Variants in ST8SIA6 observed in about 807,000 individuals in gnomAD.
The protein encoded by ST8SIA6 is alpha-2,8-sialyltransferase 8F.
A neutral mutation model predicts 33.6 loss-of-function variants in ST8SIA6; 39 were observed. That is an observed-to-expected ratio of 1.16 (90% CI 0.90 to 1.52). The LOEUF (loss-of-function observed/expected upper bound fraction) is 1.52, where lower values mean the gene tolerates loss of function less well. Ranked by LOEUF, ST8SIA6 falls within the 40% of genes most tolerant of loss-of-function variation. The probability of loss-of-function intolerance (pLI) is 0.00; values close to 1 mark genes in which losing one functional copy is unlikely to be tolerated. For synonymous variants in ST8SIA6, 172 were observed against 167.2 expected (o/e 1.03, Z -0.22); for missense variants, 441 against 443.8 (o/e 0.99, Z 0.06).
At position 17,320,210 on chromosome 10, in the gene ST8SIA6, G is replaced by A. The variant is rs1259435674; in HGVS notation, c.*668C>T. On this transcript the variant is annotated 3_prime_UTR_variant, in exon 8 of 8. Coordinates refer to ENST00000377602, the MANE Select transcript of ST8SIA6 (RefSeq NM_001004470.3). The stretch of plus-strand genomic sequence containing the variant: ...GTGAGAGAGAAAAAAGTGTAAGAAT[G>A]AGGCAGGAAGTTAAAATAAAATTAT... 6.6e-6 allele frequency: 1 copy of A among 152,280 alleles called. No individual in the cohort carries two copies. Among genetic ancestry groups the A allele is most frequent in the Non-Finnish European group, 1.5e-5 (1 of 68,108 alleles). The allele number at this position is 152,280 out of a possible 1,614,324, so 9.4% of individuals were successfully genotyped here.
chr10:17,365,940 C>G (rs1484697466), intron 3 of ST8SIA6, among the ~76,000 whole-genome samples: 1 of 148,784 alleles, frequency 6.7e-6, no homozygotes, highest in Non-Finnish European at 1.5e-5. Context: ...CTGTGTAGAT[C>G]AAAAAGTCTT....
chr10:17,438,007 G>A (rs1268927894), intron 2 of ST8SIA6, among the ~76,000 whole-genome samples: 2 of 152,044 alleles, frequency 1.3e-5, no homozygotes, highest in African/African-American at 2.4e-5. Flanking sequence ...GGGAATACAG[G>A]TGTGAGCCAC....
intron 2 of ST8SIA6, among the ~76,000 whole-genome samples, chr10:17,404,286 T>G (rs916381839): frequency 1.3e-5 from 2 of 152,012 alleles, no homozygotes; most frequent in Non-Finnish European, 2.9e-5. Context: ...GCTGTCCGAG[T>G]TGGAAGTGGA....
At chr10:17,361,497 A>C (rs1460661115) in intron 3 of ST8SIA6, among the ~76,000 whole-genome samples, 1 of 142,716 alleles carries the variant, frequency 7.0e-6, no homozygotes, top group East Asian at 2.1e-4. Flanking sequence ...TTGATTTTGT[A>C]ATTAAAATTC....
intron 2 of ST8SIA6, among the ~76,000 whole-genome samples, chr10:17,431,843 A>T (rs1852112357): frequency 6.6e-6 from 1 of 152,188 alleles, no homozygotes; most frequent in Non-Finnish European, 1.5e-5. Flanking sequence ...ATCTCTGTCC[A>T]CATGGAGCTC....
At chr10:17,439,201 A>C (rs759596631) in intron 2 of ST8SIA6, among the ~76,000 whole-genome samples, 8 of 151,872 alleles carry the variant, frequency 5.3e-5, no homozygotes, top group East Asian at 1.9e-4. Flanking sequence ...TTAGGTATTC[A>C]GCTTTTTACA....
intron 6 of ST8SIA6, among the ~76,000 whole-genome samples, chr10:17,324,754 TCATGGTATGTACCATACCATGCATG>T (rs1434155389): frequency 3.0e-4 from 43 of 141,970 alleles, no homozygotes; most frequent in African/African-American, 5.3e-4. Context: ...GTAGTATAGG[TCATGGTATGTACCATACCATGCATG>T]CATGGTATGT....
At chr10:17,322,824 A>T (rs1848000764) in intron 7 of ST8SIA6, among the ~76,000 whole-genome samples, 1 of 152,198 alleles carries the variant, frequency 6.6e-6, no homozygotes, top group Non-Finnish European at 1.5e-5. Flanking sequence ...AGATAAAGAA[A>T]TAAATATGTT....
intron 4 of ST8SIA6, among the ~76,000 whole-genome samples, chr10:17,343,510 A>G (rs1848738761): frequency 6.6e-6 from 1 of 152,228 alleles, no homozygotes; most frequent in Non-Finnish European, 1.5e-5. Context: ...GGAGAGGTTA[A>G]AGAGAAAGAG....
chr10:17,399,808 C>T (rs900651049), intron 2 of ST8SIA6, among the ~76,000 whole-genome samples: 1 of 151,484 alleles, frequency 6.6e-6, no homozygotes, highest in Non-Finnish European at 1.5e-5. Context: ...GTCCCAGCTA[C>T]TCAGGAAGCT....
At chr10:17,449,242 A>G (rs1476462644) in intron 2 of ST8SIA6, among the ~76,000 whole-genome samples, 1 of 152,064 alleles carries the variant, frequency 6.6e-6, no homozygotes, top group Non-Finnish European at 1.5e-5. Flanking sequence ...AATATTTTAA[A>G]AGATAAAAGT....
chr10:17,451,664 G>A (rs1052695595), intron 2 of ST8SIA6, among the ~76,000 whole-genome samples: 13 of 152,250 alleles, frequency 8.5e-5, no homozygotes, highest in Non-Finnish European at 1.5e-4. Flanking sequence ...ATTCCTACCA[G>A]CATTATTACC....
At chr10:17,336,243 C>G (rs1848495107) in intron 4 of ST8SIA6, among the ~76,000 whole-genome samples, 1 of 152,110 alleles carries the variant, frequency 6.6e-6, no homozygotes, top group Non-Finnish European at 1.5e-5. Flanking sequence ...ATGCCTGAGC[C>G]GCCGCACTGG....
At chr10:17,385,443 C>A (rs1850299598) in intron 3 of ST8SIA6, among the ~76,000 whole-genome samples, 1 of 151,968 alleles carries the variant, frequency 6.6e-6, no homozygotes, top group Non-Finnish European at 1.5e-5. Context: ...GCTTTTTAAT[C>A]GCCTGGGTGC....
At chr10:17,387,504 T>A (rs1588873968) in intron 3 of ST8SIA6, among the ~76,000 whole-genome samples, 1 of 144,004 alleles carries the variant, frequency 6.9e-6, no homozygotes, top group African/African-American at 2.6e-5. Flanking sequence ...CCACCTCGGG[T>A]GATCTGCCCG....
intron 2 of ST8SIA6, among the ~76,000 whole-genome samples, chr10:17,418,453 A>G (rs1056855215): frequency 5.9e-5 from 9 of 152,052 alleles, no homozygotes; most frequent in Non-Finnish European, 1.0e-4. Flanking sequence ...GCTGAATGCC[A>G]TGGGCCTGTG....
intron 2 of ST8SIA6, among the ~76,000 whole-genome samples, chr10:17,393,632 A>G (rs1850699952): frequency 6.6e-6 from 1 of 152,192 alleles, no homozygotes; most frequent in South Asian, 2.1e-4. Flanking sequence ...TGGAGACTTC[A>G]GCACACCTGT....
intron 2 of ST8SIA6, chr10:17,413,517 C>G (rs1851514663): frequency 6.6e-6 from 1 of 152,128 alleles, no homozygotes; most frequent in East Asian, 1.9e-4. Context: ...TCGCTTCTGT[C>G]TAATCATTGC....
chr10:17,449,388 G>A (rs1264739590), intron 2 of ST8SIA6, among the ~76,000 whole-genome samples: 2 of 152,050 alleles, frequency 1.3e-5, no homozygotes, highest in Admixed American at 1.3e-4. Flanking sequence ...ATTGTAATGG[G>A]GTGATATTTT....
Sources: allele counts gnomAD v4.1 joint callset (sites outside exome capture counted in the v4.1 genomes callset), GRCh38; gene constraint gnomAD v4.1.1; transcripts MANE v1.5; gene names NCBI Gene and HGNC (gene_info 2026-07-23, HGNC 2026-07-21).